The following MKLN1 variants were observed in gnomAD, a reference collection of about 807,000 sequenced individuals.
MKLN1 encodes muskelin.
A neutral mutation model predicts 99.0 loss-of-function variants in MKLN1; 18 were observed. The observed-to-expected ratio is 0.18, with a 90% CI of 0.13 to 0.27. MKLN1 has a LOEUF of 0.27. Among genes scored for constraint, MKLN1 ranks in the 10% least tolerant of loss-of-function variants. The probability of loss-of-function intolerance (pLI) is 1.00; values close to 1 mark genes in which losing one functional copy is unlikely to be tolerated. For missense variants in MKLN1, 621 were observed against 875.9 expected (o/e 0.71, Z 3.67); for synonymous variants, 288 against 293.2 (o/e 0.98, Z 0.18).
chr7:131,369,456 C>T (rs771139821), intron 1 of MKLN1, among the ~76,000 whole-genome samples: 2 of 152,062 alleles, frequency 1.3e-5, no homozygotes, highest in Non-Finnish European at 2.9e-5. Context: ...ACAGACAATA[C>T]ACAGGGATTT....
intron 3 of MKLN1, among the ~76,000 whole-genome samples, chr7:131,264,383 A>G (rs554827238): frequency 7.9e-5 from 12 of 152,340 alleles, no homozygotes; most frequent in Non-Finnish European, 1.6e-4. Flanking sequence ...TTAAATTTAG[A>G]GTAAGGAAAA....
At chr7:131,132,697 G>A (rs1312953695) in intron 1 of MKLN1, among the ~76,000 whole-genome samples, 1 of 152,236 alleles carries the variant, frequency 6.6e-6, no homozygotes, top group Non-Finnish European at 1.5e-5. Flanking sequence ...GCCGAGGCCG[G>A]TGGATCACAA....
intron 3 of MKLN1, among the ~76,000 whole-genome samples, chr7:131,206,335 A>G (rs1444938792): frequency 6.6e-6 from 1 of 152,148 alleles, no homozygotes; most frequent in Non-Finnish European, 1.5e-5. Flanking sequence ...CAAAATAACC[A>G]GGGGATGGGA....
intron 12 of MKLN1, among the ~76,000 whole-genome samples, chr7:131,454,346 C>T (rs1200394699): frequency 1.3e-5 from 2 of 152,050 alleles, no homozygotes; most frequent in Non-Finnish European, 2.9e-5. Context: ...CTTAATACAG[C>T]TGAGATAAAT....
chr7:131,129,710 A>G (rs1437064487), intron 1 of MKLN1, among the ~76,000 whole-genome samples: 1 of 152,166 alleles, frequency 6.6e-6, no homozygotes, highest in Non-Finnish European at 1.5e-5. Flanking sequence ...ATTAGCTGGG[A>G]CTACAAGAAT....
chr7:131,176,296 T>C (rs1270529123), intron 2 of MKLN1, among the ~76,000 whole-genome samples: 1 of 152,206 alleles, frequency 6.6e-6, no homozygotes, highest in Non-Finnish European at 1.5e-5. Context: ...TTTAAGTTTT[T>C]CATGTGCTTT....
At chr7:131,174,677 AT>A (rs975174846) in intron 2 of MKLN1, among the ~76,000 whole-genome samples, 4 of 152,102 alleles carry the variant, frequency 2.6e-5, no homozygotes, top group African/African-American at 9.7e-5. Context: ...ACAATAACCA[AT>A]TTTGGAATAA....
intron 12 of MKLN1, among the ~76,000 whole-genome samples, chr7:131,453,738 G>T (rs1009595953): frequency 1.3e-5 from 2 of 151,870 alleles, no homozygotes; most frequent in Non-Finnish European, 2.9e-5. Flanking sequence ...TTTGATTTTT[G>T]CAAAATTAAA....
At chr7:131,245,775 A>G (rs933808478) in intron 3 of MKLN1, among the ~76,000 whole-genome samples, 1 of 152,210 alleles carries the variant, frequency 6.6e-6, no homozygotes, top group Admixed American at 6.5e-5. Flanking sequence ...AGTGCACTCT[A>G]TGATGTTCAA....
chr7:131,279,532 G>T (rs1584886814), intron 3 of MKLN1, among the ~76,000 whole-genome samples: 1 of 152,186 alleles, frequency 6.6e-6, no homozygotes, highest in African/African-American at 2.4e-5. Flanking sequence ...TTTGGTCCAG[G>T]TGTGGTGGCT....
chr7:131,133,253 T>A (rs1280665665), intron 1 of MKLN1, among the ~76,000 whole-genome samples: 1 of 151,746 alleles, frequency 6.6e-6, no homozygotes, highest in Non-Finnish European at 1.5e-5. Context: ...CCTGCTTCCC[T>A]CCTGGCAACT....
At chr7:131,332,534 T>G (rs1336970388) in intron 1 of MKLN1, among the ~76,000 whole-genome samples, 1 of 150,754 alleles carries the variant, frequency 6.6e-6, no homozygotes, top group Non-Finnish European at 1.5e-5. Context: ...ATCGAATATT[T>G]GTAAAATATG....
intron 15 of MKLN1, among the ~76,000 whole-genome samples, chr7:131,468,040 G>T (rs1273246157): frequency 6.6e-6 from 1 of 152,106 alleles, no homozygotes; most frequent in Admixed American, 6.6e-5. Context: ...AGGGTTGCTG[G>T]GTATTCTCTG....
chr7:131,267,799 T>A (rs765023923), intron 3 of MKLN1, among the ~76,000 whole-genome samples: 1 of 152,228 alleles, frequency 6.6e-6, no homozygotes, highest in Non-Finnish European at 1.5e-5. Flanking sequence ...ATTTTCAAAG[T>A]CTGGTAAGTA....
At chr7:131,329,697 C>T (rs1449004736) in intron 1 of MKLN1, among the ~76,000 whole-genome samples, 2 of 152,160 alleles carry the variant, frequency 1.3e-5, no homozygotes, top group African/African-American at 4.8e-5. Context: ...GTTGTATAGA[C>T]ATTTTAAGAA....
At chr7:131,415,095 T>A (rs903116449) in intron 8 of MKLN1, among the ~76,000 whole-genome samples, 5 of 151,864 alleles carry the variant, frequency 3.3e-5, no homozygotes, top group Admixed American at 2.0e-4. Flanking sequence ...ATAATTTAGT[T>A]GTTGTTTTTT....
chr7:131,163,210 C>G (rs1332206294), intron 2 of MKLN1, among the ~76,000 whole-genome samples: 4 of 152,140 alleles, frequency 2.6e-5, no homozygotes. Flanking sequence ...TTAGCTGTGG[C>G]AAAAGGCTGT....
chr7:131,136,746 C>T (rs1795654614), intron 1 of MKLN1, among the ~76,000 whole-genome samples: 1 of 152,186 alleles, frequency 6.6e-6, no homozygotes, highest in African/African-American at 2.4e-5. Flanking sequence ...GCATTGTCTG[C>T]TCTTATTTGT....
chr7:131,279,665 G>A (rs187142510), intron 3 of MKLN1, among the ~76,000 whole-genome samples: 1 of 152,190 alleles, frequency 6.6e-6, no homozygotes, highest in Non-Finnish European at 1.5e-5. Context: ...AAAGTTAGCT[G>A]TGTGGTGGTG....
Sources: allele counts gnomAD v4.1 joint callset (sites outside exome capture counted in the v4.1 genomes callset), GRCh38; gene constraint gnomAD v4.1.1; transcripts MANE v1.5; gene names NCBI Gene and HGNC (gene_info 2026-07-23, HGNC 2026-07-21).